The following C8orf34 variants were observed in gnomAD, a reference collection of about 807,000 sequenced individuals.
C8orf34 encodes chromosome 8 open reading frame 34, also known as uncharacterized protein C8orf34.
In C8orf34, 65 loss-of-function variants were observed where a neutral mutation model predicts 68.3. The observed-to-expected ratio is 0.95, with a 90% CI of 0.78 to 1.17. C8orf34 has a LOEUF of 1.17. C8orf34 is among the 50% of genes most tolerant of loss of function. The pLI is 0.00. For synonymous variants in C8orf34, 244 were observed against 241.2 expected, an observed-to-expected ratio of 1.01 and a Z score of -0.11; for missense variants, 664 against 655.4, an observed-to-expected ratio of 1.01 and a Z score of -0.14.
chr8:68,703,705 T>C (rs1355343464), intron 8 of C8orf34, among the ~76,000 whole-genome samples: 1 of 152,126 alleles, frequency 6.6e-6, no homozygotes, highest in African/African-American at 2.4e-5. Context: ...ATTAGGCTCC[T>C]CAAAAATTCT....
At chr8:68,454,556 T>G (rs1811471341) in intron 3 of C8orf34, among the ~76,000 whole-genome samples, 1 of 152,090 alleles carries the variant, frequency 6.6e-6, no homozygotes, top group Non-Finnish European at 1.5e-5. Context: ...TTGTTTATAG[T>G]ATTCTCTTAC....
At chr8:68,597,102 T>A (rs1191751811) in intron 7 of C8orf34, among the ~76,000 whole-genome samples, 1 of 152,110 alleles carries the variant, frequency 6.6e-6, no homozygotes, top group Non-Finnish European at 1.5e-5. Flanking sequence ...CTGGGAAACA[T>A]TTGCATGTTC....
chr8:68,664,318 A>T (rs1819773661), intron 8 of C8orf34, among the ~76,000 whole-genome samples: 1 of 152,196 alleles, frequency 6.6e-6, no homozygotes, highest in Non-Finnish European at 1.5e-5. Flanking sequence ...GCCTATATGC[A>T]GAGATCAGGA....
intron 7 of C8orf34, among the ~76,000 whole-genome samples, chr8:68,542,536 G>A (rs1815735438): frequency 6.6e-6 from 1 of 151,802 alleles, no homozygotes; most frequent in Non-Finnish European, 1.5e-5. Flanking sequence ...TGAGTTAAGG[G>A]CATCTTTTAT....
Position 68,818,343 on chromosome 8 carries a change from G to C in C8orf34, c.*97G>C, listed in dbSNP as rs1018777685. ...TTTATTTACTATGTGTAATCATTTA[G>C]AGAATGGTTATTTTTATAATCTCAA... is the stretch of plus-strand genomic sequence containing the variant. On this transcript the variant is annotated 3_prime_UTR_variant, in exon 14 of 14. Transcript: ENST00000518698. 1 of 1,312,234 alleles carries C rather than the reference G, an allele frequency of 7.6e-7. No homozygotes were observed. Among genetic ancestry groups the C allele is most frequent in the Non-Finnish European group, 1.1e-6 (1 of 919,352 alleles). The allele number at this position is 1,312,234 out of a possible 1,614,324, so 81.3% of individuals were successfully genotyped here.
intron 8 of C8orf34, among the ~76,000 whole-genome samples, chr8:68,643,186 T>C (rs1210121266): frequency 6.6e-6 from 1 of 152,200 alleles, no homozygotes; most frequent in African/African-American, 2.4e-5. Flanking sequence ...ATTGCTACTT[T>C]GGGTAGATTA....
At chr8:68,761,379 C>T (rs977674504) in intron 10 of C8orf34, among the ~76,000 whole-genome samples, 1 of 152,154 alleles carries the variant, frequency 6.6e-6, no homozygotes, top group African/African-American at 2.4e-5. Flanking sequence ...AAACTTCCTG[C>T]TCCCACTCAT....
intron 1 of C8orf34, among the ~76,000 whole-genome samples, chr8:68,406,074 G>C (rs745969154): frequency 6.6e-6 from 1 of 152,152 alleles, no homozygotes; most frequent in African/African-American, 2.4e-5. Context: ...GTCAGGAGGT[G>C]GGTTGTGTGG....
intron 4 of C8orf34, among the ~76,000 whole-genome samples, chr8:68,476,832 T>C (rs908349175): frequency 6.6e-6 from 1 of 152,180 alleles, no homozygotes; most frequent in Non-Finnish European, 1.5e-5. Flanking sequence ...TAAAGACAGT[T>C]TATTCACAAT....
chr8:68,454,208 G>A (rs1176771813), intron 3 of C8orf34, among the ~76,000 whole-genome samples: 1 of 152,002 alleles, frequency 6.6e-6, no homozygotes, highest in Non-Finnish European at 1.5e-5. Flanking sequence ...ATTCATAAAA[G>A]ATATTGGTCT....
chr8:68,701,844 T>C (rs913762483), intron 8 of C8orf34, among the ~76,000 whole-genome samples: 3 of 152,142 alleles, frequency 2.0e-5, no homozygotes, highest in East Asian at 3.9e-4. Context: ...ACTCCGGTCA[T>C]TGGCCTCCAT....
rs988186197 is a variant in C8orf34 at position 68,734,681 on chromosome 8, G to T, written c.1404+13244G>T. Among the ~76,000 whole-genome samples, 10 of 152,200 alleles carry T rather than the reference G, an allele frequency of 6.6e-5. No homozygotes were observed. The East Asian group carries it at 1.9e-3, about 29-fold the overall frequency. On this transcript the variant is annotated intron_variant, in intron 10 of 13. Transcript: ENST00000518698. ...CTCCTAGTTAATAACCTAGGAAGCT[G>T]CACACCATCCTTCATCCCTCCTTCT...
chr8:68,566,831 C>T (rs1816604756), intron 7 of C8orf34, among the ~76,000 whole-genome samples: 1 of 152,164 alleles, frequency 6.6e-6, no homozygotes, highest in African/African-American at 2.4e-5. Flanking sequence ...CAAGAGTTTT[C>T]ATCATAAAGG....
chr8:68,809,129 T>C (rs1452460562), intron 12 of C8orf34, among the ~76,000 whole-genome samples: 3 of 152,204 alleles, frequency 2.0e-5, no homozygotes, highest in Admixed American at 6.5e-5. Flanking sequence ...GGGCTTGCAC[T>C]CAAGTGCATC....
At chr8:68,437,083 A>G (rs1810696649) in intron 1 of C8orf34, among the ~76,000 whole-genome samples, 1 of 152,182 alleles carries the variant, frequency 6.6e-6, no homozygotes, top group African/African-American at 2.4e-5. Flanking sequence ...ATCGACTATG[A>G]TCATTTCGCT....
At chr8:68,745,197 C>T (rs1822446060) in intron 10 of C8orf34, among the ~76,000 whole-genome samples, 1 of 152,018 alleles carries the variant, frequency 6.6e-6, no homozygotes, top group Non-Finnish European at 1.5e-5. Flanking sequence ...AAGATTTTGT[C>T]ACCACCAGGC....
intron 10 of C8orf34, among the ~76,000 whole-genome samples, chr8:68,737,539 A>G (rs967653104): frequency 2.0e-5 from 3 of 152,168 alleles, no homozygotes; most frequent in East Asian, 1.9e-4. Context: ...CTCATATGCA[A>G]TGCCACCCAT....
chr8:68,588,348 A>G (rs1232846856), intron 7 of C8orf34, among the ~76,000 whole-genome samples: 1 of 152,082 alleles, frequency 6.6e-6, no homozygotes. Context: ...AGTATAAAGC[A>G]TATAGTATAT....
chr8:68,364,755 G>A (rs1473407480), intron 1 of C8orf34, among the ~76,000 whole-genome samples: 14 of 142,186 alleles, frequency 9.8e-5, no homozygotes, highest in Non-Finnish European at 1.7e-4. Context: ...AGTGTGTAGA[G>A]GGAAATTTAT....
Sources: allele counts gnomAD v4.1 joint callset (sites outside exome capture counted in the v4.1 genomes callset), GRCh38; gene constraint gnomAD v4.1.1; transcripts MANE v1.5; gene names NCBI Gene and HGNC (gene_info 2026-07-23, HGNC 2026-07-21).